The following MYH11 variants were observed in gnomAD, a reference collection of about 807,000 sequenced individuals.
MYH11 encodes myosin-11.
A neutral mutation model predicts 246.6 loss-of-function variants in MYH11; 80 were observed. That is an observed-to-expected ratio of 0.32 (90% CI 0.27 to 0.39). The LOEUF (loss-of-function observed/expected upper bound fraction) is 0.39. Ranked by LOEUF, MYH11 falls within the 10% of genes least tolerant of loss-of-function variation. MYH11 has a pLI of 1.00. For missense variants in MYH11, 2,158 were observed against 2,546.8 expected (o/e 0.85, Z 3.29); for synonymous variants, 1,071 against 1,015.5 (o/e 1.05, Z -1.04).
chr16:15,793,547 C>T (rs1324279564), intron 4 of MYH11, among the ~76,000 whole-genome samples: 1 of 152,108 alleles, frequency 6.6e-6, no homozygotes, highest in Non-Finnish European at 1.5e-5. Flanking sequence ...CCCGCCTCGG[C>T]CTCTCAAGGC....
At position 15,749,830 on chromosome 16, in the gene MYH11, A is replaced by G. The variant is rs567367291; in HGVS notation, c.2058+308T>C. The G allele has an allele frequency of 8.7e-5, 43 of 496,274 alleles. No individual in the cohort carries two copies. In the East Asian group the frequency reaches 9.8e-4, roughly 11 times the overall value. The allele number at this position is 496,274 out of a possible 1,614,324, so 30.7% of individuals were successfully genotyped here. On this transcript the variant is annotated intron_variant, in intron 16 of 40. Transcript: ENST00000300036. ...GAGAAACCCACAGGGAAGGGCTACA[A>G]TTTTTCTAACACTGCTCCCCAGCAC...
At chr16:15,817,998 T>G (rs1165544667) in intron 3 of MYH11, among the ~76,000 whole-genome samples, 2 of 152,222 alleles carry the variant, frequency 1.3e-5, no homozygotes, top group Non-Finnish European at 2.9e-5. Context: ...AGCTACTATG[T>G]GCCAGGCACC....
chr16:15,762,067 T>C (rs2041879794), intron 10 of MYH11, among the ~76,000 whole-genome samples: 1 of 152,240 alleles, frequency 6.6e-6, no homozygotes, highest in African/African-American at 2.4e-5. Context: ...CTCCGCCTCC[T>C]GCGTTCAAGC....
In MYH11 at chr16:15,753,425, G is replaced by A. The variant is rs990109247; in HGVS notation, c.1833C>T (p.Ser611=). The change falls in exon 15 of 41, where the codon TCC becomes TCT. Residue 611 remains serine, a synonymous_variant. Coordinates refer to ENST00000300036, the MANE Select transcript of MYH11 (RefSeq NM_002474.3). ...DNVTSLLNAS[S]DKFVADLWKD... ...TCCACAGGTCGGCCACAAACTTGTC[G>A]GAGGAGGCATTGAGCAGGGAAGTCA... is the stretch of plus-strand genomic sequence containing the variant. 25 of 1,614,104 alleles carry A rather than the reference G, an allele frequency of 1.5e-5. No individual in the cohort carries two copies. The highest frequency in any genetic ancestry group is 3.3e-5 in the South Asian group (3 of 91,066).
chr16:15,807,638 C>T (rs541013594), intron 3 of MYH11, among the ~76,000 whole-genome samples: 46 of 152,172 alleles, frequency 3.0e-4, no homozygotes, highest in African/African-American at 8.9e-4. Flanking sequence ...GAGCTGGGGG[C>T]GGCCGGCCAT....
intron 10 of MYH11, 55 bp downstream of exon 10, chr16:15,763,741 T>TGGGGCC: frequency 2.0e-5 from 13 of 646,828 alleles, no homozygotes; most frequent in Middle Eastern, 2.6e-4. Flanking sequence ...AAATGTCACC[T>TGGGGCC]CCCCCACCCC....
chr16:15,740,210 G>A (rs1284898078), intron 22 of MYH11, 22 bp from the exon 23 acceptor site: 3 of 1,613,924 alleles, frequency 1.9e-6, no homozygotes, highest in Non-Finnish European at 2.5e-6. Flanking sequence ...AGGGAAAAGA[G>A]TAACAGCTTT....
intron 1 of MYH11, among the ~76,000 whole-genome samples, chr16:15,838,876 G>A (rs10584613): frequency 1.7e-4 from 19 of 110,054 alleles, no homozygotes; most frequent in African/African-American, 5.7e-4. Context: ...AAAAAAAAAA[G>A]AAGAAGAAGC....
Position 15,750,228 on chromosome 16 carries a change from C to T in MYH11, c.1968G>A (p.Leu656=), listed in dbSNP as rs754494548. 2.4e-5 allele frequency: 39 copies of T among 1,614,094 alleles called. 1 individual carries two copies. In the Admixed American group the frequency reaches 6.5e-4, roughly 27 times the overall value. ...KKGMFRTVGQ[L]YKEQLGKLMT... ...TCAGCTTGCCCAGCTGCTCCTTGTA[C>T]AGCTGCCCCACTGTGCGGAACATGC... The change falls in exon 16 of 41, where the codon CTG becomes CTA. Residue 656 remains leucine, a synonymous_variant. Coordinates refer to ENST00000300036, the MANE Select transcript of MYH11 (RefSeq NM_002474.3). The surrounding 1 kb of genome is among the most constrained non-coding windows in gnomAD (Gnocchi z 4.3).
intron 3 of MYH11, among the ~76,000 whole-genome samples, chr16:15,808,966 C>T (rs536628050): frequency 4.4e-4 from 67 of 152,220 alleles, no homozygotes; most frequent in Non-Finnish European, 7.8e-4. Context: ...GGAAAACCAA[C>T]GCTCTCCCTC....
At chr16:15,759,149 A>C (rs1449411215) in intron 12 of MYH11, among the ~76,000 whole-genome samples, 3 of 151,184 alleles carry the variant, frequency 2.0e-5, no homozygotes, top group Admixed American at 1.3e-4. Context: ...AGTCAGTGAG[A>C]CTTAATTCCA....
intron 5 of MYH11, 157 bp downstream of exon 5, chr16:15,786,473 G>T: frequency 1.2e-6 from 1 of 813,328 alleles, no homozygotes; most frequent in Non-Finnish European, 2.2e-6. Context: ...CAACAGGCCT[G>T]CTCGCCAAAA....
chr16:15,728,454 C>T (rs1042110148), intron 27 of MYH11, among the ~76,000 whole-genome samples: 3 of 152,180 alleles, frequency 2.0e-5, no homozygotes, highest in East Asian at 1.9e-4. Context: ...ATCTAAGTAG[C>T]GGCTGGCTCT....
chr16:15,767,150 C>T (rs769266181), intron 9 of MYH11, among the ~76,000 whole-genome samples: 2 of 151,118 alleles, frequency 1.3e-5, no homozygotes, highest in East Asian at 1.9e-4. Flanking sequence ...GATGGATGGA[C>T]GGATGGGTGA....
At chr16:15,823,488 AT>A (rs1426728707) in intron 2 of MYH11, 77 bp from the exon 3 acceptor site, 2 of 1,539,084 alleles carry the variant, frequency 1.3e-6, no homozygotes, top group African/African-American at 2.7e-5. Flanking sequence ...CAATATTCTC[AT>A]GTTAGAGATG....
rs1401318409 is a variant in MYH11 at position 15,788,092 on chromosome 16, T to TG, written c.531-1361_531-1360insC. Reference sequence around the variant, plus strand: ...GAAGGTAGATCTTTTTTTTTTTTTTTTTTACCAAGATGGCTTTCGTGCACT... The same window carrying TG: ...GAAGGTAGATCTTTTTTTTTTTTTTTGTTTACCAAGATGGCTTTCGTGCACT... On this transcript the variant is annotated intron_variant, in intron 4 of 40. Transcript: ENST00000300036. 3.6e-5 allele frequency among the ~76,000 whole-genome samples: 5 copies of TG among 139,122 alleles called. 1 individual carries two copies. The highest frequency in any genetic ancestry group is 6.2e-5 in the Non-Finnish European group (4 of 64,546). 91.3% of individuals were successfully genotyped at this position (139,122 alleles called of 152,430 possible).
intron 40 of MYH11, among the ~76,000 whole-genome samples, chr16:15,708,220 G>C (rs955378497): frequency 1.8e-4 from 27 of 152,294 alleles, no homozygotes; most frequent in African/African-American, 5.8e-4. Context: ...GCATTTGTCA[G>C]ACATCGCAGT....
intron 16 of MYH11, chr16:15,749,110 C>T (rs1434689536): frequency 6.6e-6 from 1 of 151,562 alleles, no homozygotes; most frequent in Non-Finnish European, 1.5e-5. Context: ...TGCCATCACA[C>T]ATTTGCAACA....
At chr16:15,729,968 G>A (rs1567707921) in intron 27 of MYH11, among the ~76,000 whole-genome samples, 1 of 152,118 alleles carries the variant, frequency 6.6e-6, no homozygotes, top group Non-Finnish European at 1.5e-5. Flanking sequence ...TTATAAGCAT[G>A]AGCCACCGCG....
Sources: gnomAD v4.1 joint callset for allele counts (sites outside exome capture counted in the v4.1 genomes callset) on GRCh38, gnomAD v4.1.1 for gene constraint, Gnocchi (gnomAD v3.1) non-coding constraint, MANE v1.5 for transcripts, NCBI Gene and HGNC (gene_info 2026-07-23, HGNC 2026-07-21) for gene names.